Variants in CBFA2T2 observed in about 807,000 individuals in gnomAD.
CBFA2T2 encodes protein CBFA2T2.
A neutral mutation model predicts 62.2 loss-of-function variants in CBFA2T2; 11 were observed. That is an observed-to-expected ratio of 0.18 (90% CI 0.11 to 0.29). The LOEUF is 0.29. Ranked by LOEUF, CBFA2T2 falls within the 10% of genes least tolerant of loss-of-function variation. The pLI, the probability that CBFA2T2 is intolerant of heterozygous loss-of-function variation, is 1.00. For synonymous variants in CBFA2T2, 295 were observed against 287.5 expected, an observed-to-expected ratio of 1.03 and a Z score of -0.27; for missense variants, 592 against 774.1, an observed-to-expected ratio of 0.76 and a Z score of 2.79.
At chr20:33,580,238 C>T (rs975864153) in intron 1 of CBFA2T2, among the ~76,000 whole-genome samples, 5 of 152,076 alleles carry the variant, frequency 3.3e-5, no homozygotes, top group African/African-American at 1.2e-4. Flanking sequence ...TGTATTTTAA[C>T]GTTGGTAGCC....
intron 1 of CBFA2T2, among the ~76,000 whole-genome samples, chr20:33,520,375 G>C (rs1327776643): frequency 6.6e-6 from 1 of 152,124 alleles, no homozygotes; most frequent in Non-Finnish European, 1.5e-5. Context: ...ACCTCATAAT[G>C]CTATATTGTC....
At chr20:33,506,978 A>C (rs975844130) in intron 1 of CBFA2T2, among the ~76,000 whole-genome samples, 2 of 152,226 alleles carry the variant, frequency 1.3e-5, no homozygotes, top group Non-Finnish European at 2.9e-5. Context: ...ATTTCTGATT[A>C]TGTGAATGTC....
chr20:33,513,994 G>A (rs2011554909), intron 1 of CBFA2T2, among the ~76,000 whole-genome samples: 1 of 149,612 alleles, frequency 6.7e-6, no homozygotes, highest in African/African-American at 2.5e-5. Context: ...TCTGCCTCCT[G>A]GGTTCCAGCA....
At chr20:33,628,113 C>T (rs1282402238) in intron 6 of CBFA2T2, among the ~76,000 whole-genome samples, 1 of 152,172 alleles carries the variant, frequency 6.6e-6, no homozygotes, top group Non-Finnish European at 1.5e-5. Flanking sequence ...TCTTTTACCT[C>T]TTTTTCTTTA....
intron 1 of CBFA2T2, among the ~76,000 whole-genome samples, chr20:33,514,116 G>A (rs2011556908): frequency 1.3e-5 from 2 of 150,696 alleles, no homozygotes; most frequent in African/African-American, 4.9e-5. Context: ...TTGGTCAGGC[G>A]GGCCTCGAAC....
intron 1 of CBFA2T2, among the ~76,000 whole-genome samples, chr20:33,598,578 T>C (rs2014989358): frequency 2.0e-5 from 3 of 152,180 alleles, no homozygotes; most frequent in Admixed American, 2.0e-4. Context: ...TTCGTATTGC[T>C]CAAACACACC....
chr20:33,560,628 T>C (rs1320219083), intron 1 of CBFA2T2, among the ~76,000 whole-genome samples: 3 of 152,188 alleles, frequency 2.0e-5, no homozygotes, highest in Non-Finnish European at 4.4e-5. Context: ...GAAATAGCCT[T>C]CCTTCCTATT....
chr20:33,523,227 ACAT>A (rs1247803781), intron 1 of CBFA2T2, among the ~76,000 whole-genome samples: 4 of 152,142 alleles, frequency 2.6e-5, no homozygotes, highest in Non-Finnish European at 5.9e-5. Flanking sequence ...ATTCATATGA[ACAT>A]TAAAATTTGA....
chr20:33,598,465 T>C lies in CBFA2T2; in HGVS notation c.35-8491T>C, dbSNP rs139524438. 4.8e-3 allele frequency among the ~76,000 whole-genome samples: 735 copies of C among 152,334 alleles called. 8 individuals carry two copies. Among genetic ancestry groups the C allele is most frequent in the African/African-American group, 0.016 (678 of 41,574 alleles). ...ATTTGCTTTTGAAAGGAGAGAAATA[T>C]GGCTCTGTTCTGCCTGGCTCATCAG... On this transcript the variant is annotated intron_variant, in intron 1 of 10. Coordinates refer to ENST00000342704, the MANE Select transcript of CBFA2T2 (RefSeq NM_001032999.3).
intron 4 of CBFA2T2, 133 bp from the exon 5 acceptor site, chr20:33,622,982 A>C (rs746289032): frequency 3.4e-5 from 25 of 741,316 alleles, no homozygotes; most frequent in Non-Finnish European, 3.6e-5. Flanking sequence ...CTCACAGAAG[A>C]AGCATTTGAA....
chr20:33,640,846 T>C (rs2016809124), intron 10 of CBFA2T2, among the ~76,000 whole-genome samples: 1 of 152,172 alleles, frequency 6.6e-6, no homozygotes, highest in Admixed American at 6.5e-5. Flanking sequence ...ATGATGATGA[T>C]GACCAGCATT....
In CBFA2T2 at chr20:33,624,848, G is replaced by A; in HGVS notation, c.777G>A (p.Arg259=). The part of the protein sequence containing the change: ...KRVCTISPAP[R]HSPALTVPLM... ...TATGTACCATCAGCCCTGCTCCTCGGCACAGTCCTGCTCTCACTGTGCCCC... is the reference window on the plus strand; with the variant it reads ...TATGTACCATCAGCCCTGCTCCTCGACACAGTCCTGCTCTCACTGTGCCCC... The change falls in exon 6 of 11, where the codon CGG becomes CGA. Residue 259 remains arginine, a synonymous_variant. Coordinates refer to ENST00000342704, the MANE Select transcript of CBFA2T2 (RefSeq NM_001032999.3). 1 of 1,614,114 alleles carries A rather than the reference G, an allele frequency of 6.2e-7. No individual in the cohort carries two copies. Among genetic ancestry groups the A allele is most frequent in the Non-Finnish European group, 8.5e-7 (1 of 1,180,008 alleles).
At chr20:33,510,207 T>C (rs1012792084) in intron 1 of CBFA2T2, among the ~76,000 whole-genome samples, 3 of 151,550 alleles carry the variant, frequency 2.0e-5, no homozygotes, top group African/African-American at 7.3e-5. Context: ...CTTTTTCTTT[T>C]TTTCTTGTTT....
At chr20:33,616,484 T>G (rs2015717463) in intron 3 of CBFA2T2, among the ~76,000 whole-genome samples, 1 of 152,226 alleles carries the variant, frequency 6.6e-6, no homozygotes, top group Non-Finnish European at 1.5e-5. Flanking sequence ...TGTAACCCTT[T>G]GGGAAGCCAA....
At chr20:33,587,921 T>A (rs1400364987) in intron 1 of CBFA2T2, among the ~76,000 whole-genome samples, 1 of 152,226 alleles carries the variant, frequency 6.6e-6, no homozygotes, top group Non-Finnish European at 1.5e-5. Flanking sequence ...TTCAAGTAGT[T>A]GAAATTGCAT....
intron 1 of CBFA2T2, among the ~76,000 whole-genome samples, chr20:33,550,608 G>GTTATTTATTTATTTATTTATTTAT (rs55635841): frequency 8.0e-5 from 12 of 150,204 alleles, no homozygotes; most frequent in African/African-American, 2.9e-4. Context: ...TACTAATGTG[G>GTTATTTATTTATTTATTTATTTAT]TTATTTATTT....
chr20:33,517,639 G>A (rs1284326353), intron 1 of CBFA2T2, among the ~76,000 whole-genome samples: 1 of 150,744 alleles, frequency 6.6e-6, no homozygotes, highest in Admixed American at 6.6e-5. Context: ...GTAGAGATAA[G>A]GTTTGGTTTG....
At chr20:33,494,470 G>A (rs1428419724) in intron 1 of CBFA2T2, among the ~76,000 whole-genome samples, 4 of 148,982 alleles carry the variant, frequency 2.7e-5, no homozygotes, top group Non-Finnish European at 6.0e-5. Context: ...TTTGGTAGAG[G>A]CGGGGTTTCA....
chr20:33,633,006 G>A (rs1460965845), intron 8 of CBFA2T2, among the ~76,000 whole-genome samples: 5 of 151,764 alleles, frequency 3.3e-5, no homozygotes, highest in African/African-American at 4.8e-5. Flanking sequence ...TAATCTGCCC[G>A]CCTTGGCCTC....
Sources: allele counts gnomAD v4.1 joint callset (sites outside exome capture counted in the v4.1 genomes callset), GRCh38; gene constraint gnomAD v4.1.1; transcripts MANE v1.5; gene names NCBI Gene and HGNC (gene_info 2026-07-23, HGNC 2026-07-21).